The following SEC14L1 variants were observed in gnomAD, a reference collection of about 807,000 sequenced individuals.
The protein encoded by SEC14L1 is SEC14-like protein 1.
Under a neutral mutation model 85.3 loss-of-function variants are expected in SEC14L1, and 48 were observed. That is an observed-to-expected ratio of 0.56 (90% CI 0.45 to 0.72). The LOEUF (loss-of-function observed/expected upper bound fraction) is 0.72, where lower values mean the gene tolerates loss of function less well. SEC14L1 is among the 30% of genes least tolerant of loss of function. The probability of loss-of-function intolerance (pLI) is 0.00; values close to 1 mark genes in which losing one functional copy is unlikely to be tolerated. For synonymous variants in SEC14L1, 391 were observed against 355.5 expected, an observed-to-expected ratio of 1.10 and a Z score of -1.12; for missense variants, 682 against 921.4, an observed-to-expected ratio of 0.74 and a Z score of 3.36.
At chr17:77,111,712 G>A (rs968544558) in intron 3 of SEC14L1, among the ~76,000 whole-genome samples, 3 of 152,134 alleles carry the variant, frequency 2.0e-5, no homozygotes, top group African/African-American at 7.2e-5. Context: ...CGTGTAGAGT[G>A]GGTATATTTA....
chr17:77,193,684 C>G (rs777191964), intron 6 of SEC14L1, 135 bp downstream of exon 6: 3 of 894,686 alleles, frequency 3.4e-6, no homozygotes, highest in Non-Finnish European at 5.1e-6. Context: ...ATCCCTACCC[C>G]CTGCCTCATC....
chr17:77,123,868 A>T (rs1226282284), intron 3 of SEC14L1, among the ~76,000 whole-genome samples: 1 of 152,196 alleles, frequency 6.6e-6, no homozygotes, highest in Non-Finnish European at 1.5e-5. Context: ...AGCGAAACGG[A>T]TGCCATGTAG....
chr17:77,172,965 GT>G (rs1005417577), intron 3 of SEC14L1, among the ~76,000 whole-genome samples: 1 of 152,164 alleles, frequency 6.6e-6, no homozygotes, highest in Non-Finnish European at 1.5e-5. Context: ...GGATGCTCAC[GT>G]TCCCAAATTG....
chr17:77,102,519 T>G (rs1338149289), intron 3 of SEC14L1, among the ~76,000 whole-genome samples: 1 of 152,080 alleles, frequency 6.6e-6, no homozygotes, highest in East Asian at 1.9e-4. Flanking sequence ...TTTTCTTTTT[T>G]TTGAGAGGGA....
At chr17:77,097,518 T>C (rs1464447893) in intron 3 of SEC14L1, among the ~76,000 whole-genome samples, 2 of 151,606 alleles carry the variant, frequency 1.3e-5, no homozygotes, top group Non-Finnish European at 2.9e-5. Flanking sequence ...GAGCCGGGAT[T>C]GTGCCACTGC....
chr17:77,169,711 G>C (rs1301358878), intron 3 of SEC14L1, among the ~76,000 whole-genome samples: 3 of 152,154 alleles, frequency 2.0e-5, no homozygotes, highest in African/African-American at 7.2e-5. Context: ...GGGGGTTGAG[G>C]AGTAATGAAG....
chr17:77,202,948 A>T (rs531747133), intron 9 of SEC14L1, among the ~76,000 whole-genome samples: 1 of 151,670 alleles, frequency 6.6e-6, no homozygotes, highest in Non-Finnish European at 1.5e-5. Context: ...AAAAAAAAAA[A>T]AAAACAGAGT....
chr17:77,128,904 G>T (rs1462970263), intron 3 of SEC14L1, among the ~76,000 whole-genome samples: 1 of 152,090 alleles, frequency 6.6e-6, no homozygotes, highest in African/African-American at 2.4e-5. Context: ...TATAGACAAT[G>T]GTTTGCCAAG....
intron 14 of SEC14L1, chr17:77,211,541 C>A: frequency 5.5e-6 from 1 of 182,274 alleles, no homozygotes; most frequent in Non-Finnish European, 1.2e-5. Context: ...GAACGCTGTC[C>A]TCAGGCTCCC....
chr17:77,184,005 C>T (rs943256656), intron 3 of SEC14L1, among the ~76,000 whole-genome samples: 1 of 152,088 alleles, frequency 6.6e-6, no homozygotes, highest in Non-Finnish European at 1.5e-5. Flanking sequence ...AGGCGGGTCT[C>T]GAACTCCTGA....
intron 3 of SEC14L1, among the ~76,000 whole-genome samples, chr17:77,164,205 G>A (rs1186804648): frequency 6.6e-6 from 1 of 152,172 alleles, no homozygotes; most frequent in Admixed American, 6.5e-5. Flanking sequence ...CCGTGCCCCC[G>A]AGCAGGCAGA....
chr17:77,213,971 C>G lies in SEC14L1; in HGVS notation c.2096C>G (p.Ala699Gly), dbSNP rs989247787. The G allele has an allele frequency of 2.5e-6, 4 of 1,613,358 alleles. No homozygotes were observed. The African/African-American group carries it at 5.3e-5, about 22-fold the overall frequency. ...CACAGCGGCTTCTCCCAGCTGAGTG[C>G]CGCCACCACCTCCTCCAGCCAGTCC... ...SSHSGFSQLS[A>G]ATTSSSQSHS... The change falls in exon 17 of 17, where the codon GCC (alanine) becomes GGC (glycine). Residue 699 changes from alanine to glycine, a missense_variant. Coordinates refer to ENST00000436233, the MANE Select transcript of SEC14L1 (RefSeq NM_001143998.2). The surrounding 1 kb of genome is among the most constrained non-coding windows in gnomAD (Gnocchi z 7.1).
chr17:77,135,920 T>C (rs1433475958), intron 3 of SEC14L1, among the ~76,000 whole-genome samples: 3 of 152,038 alleles, frequency 2.0e-5, no homozygotes, highest in Non-Finnish European at 4.4e-5. Context: ...TCACCCAGGC[T>C]GGAGTGCAGT....
intron 3 of SEC14L1, chr17:77,094,570 C>G (rs539939939): frequency 6.6e-6 from 1 of 152,280 alleles, no homozygotes; most frequent in East Asian, 1.9e-4. Flanking sequence ...CAGGTTCAAG[C>G]GATTCTCCTG....
intron 3 of SEC14L1, among the ~76,000 whole-genome samples, chr17:77,133,846 G>A (rs1972693030): frequency 6.6e-6 from 1 of 150,738 alleles, no homozygotes; most frequent in African/African-American, 2.4e-5. Flanking sequence ...GGCTGAGGCA[G>A]GAGAATCACT....
At chr17:77,108,424 G>C (rs1388635148) in intron 3 of SEC14L1, among the ~76,000 whole-genome samples, 2 of 152,086 alleles carry the variant, frequency 1.3e-5, no homozygotes, top group Admixed American at 6.6e-5. Context: ...GGGCCAGAGG[G>C]ATGGGACCCC....
Position 77,215,250 on chromosome 17 carries a change from C to T in SEC14L1, c.*1227C>T, listed in dbSNP as rs993879100. On this transcript the variant is annotated 3_prime_UTR_variant, in exon 17 of 17. Coordinates refer to ENST00000436233, the MANE Select transcript of SEC14L1 (RefSeq NM_001143998.2). ...ATTTTAAAGCCTGCTCTATCTGGTA[C>T]AGGCCCTTATTTTTTCAGCTTTTTA... 8 of 985,276 alleles carry T rather than the reference C, an allele frequency of 8.1e-6. No homozygotes were observed. In the African/African-American group the frequency reaches 8.7e-5, roughly 11 times the overall value. 61.0% of individuals were successfully genotyped at this position (985,276 alleles called of 1,614,324 possible).
At chr17:77,109,112 G>T (rs2678767) in intron 3 of SEC14L1, among the ~76,000 whole-genome samples, 3 of 152,036 alleles carry the variant, frequency 2.0e-5, no homozygotes, top group African/African-American at 7.3e-5. Flanking sequence ...GTGAGCCACC[G>T]CACCCAGCCT....
chr17:77,110,809 G>A (rs1287579578), intron 3 of SEC14L1, among the ~76,000 whole-genome samples: 6 of 145,728 alleles, frequency 4.1e-5, no homozygotes, highest in Non-Finnish European at 6.1e-5. Flanking sequence ...GTGTGAACCC[G>A]GGAGTTTGCA....
Sources: gnomAD v4.1 joint callset for allele counts (sites outside exome capture counted in the v4.1 genomes callset) on GRCh38, gnomAD v4.1.1 for gene constraint, Gnocchi (gnomAD v3.1) non-coding constraint, MANE v1.5 for transcripts, NCBI Gene and HGNC (gene_info 2026-07-23, HGNC 2026-07-21) for gene names.